TPST1: variants seen among roughly 807,000 people sequenced by gnomAD.
TPST1 encodes protein-tyrosine sulfotransferase 1.
A neutral mutation model predicts 34.8 loss-of-function variants in TPST1; 20 were observed. The ratio of observed to expected loss-of-function variants is 0.57; its 90% CI spans 0.40 to 0.84. TPST1 has a LOEUF of 0.84. TPST1 is among the 40% of genes least tolerant of loss of function. The pLI, the probability that TPST1 is intolerant of heterozygous loss-of-function variation, is 0.00. For missense variants in TPST1, 353 were observed against 455.5 expected (o/e 0.78, Z 2.05); for synonymous variants, 152 against 159.4 (o/e 0.95, Z 0.35).
At chr7:66,265,015 C>A (rs1216054605) in intron 2 of TPST1, among the ~76,000 whole-genome samples, 2 of 152,022 alleles carry the variant, frequency 1.3e-5, no homozygotes, top group Non-Finnish European at 2.9e-5. Context: ...GATAGACAAG[C>A]ATGGTAACTG....
chr7:66,210,536 T>C (rs1789221739), intron 1 of TPST1, among the ~76,000 whole-genome samples: 1 of 152,178 alleles, frequency 6.6e-6, no homozygotes, highest in Non-Finnish European at 1.5e-5. Context: ...TTTGGTCTGG[T>C]GCAGGGCCAG....
intron 1 of TPST1, among the ~76,000 whole-genome samples, chr7:66,212,745 G>A (rs547667650): frequency 3.3e-5 from 5 of 152,170 alleles, no homozygotes; most frequent in African/African-American, 9.6e-5. Flanking sequence ...GAGCCACTGC[G>A]CCCGACCTCA....
At chr7:66,255,139 A>C (rs1790358595) in intron 2 of TPST1, among the ~76,000 whole-genome samples, 1 of 109,358 alleles carries the variant, frequency 9.1e-6, no homozygotes. Context: ...GAGCGAGACA[A>C]CGTCTCAAAA....
intron 1 of TPST1, among the ~76,000 whole-genome samples, chr7:66,213,895 G>A (rs1789330880): frequency 6.6e-6 from 1 of 152,042 alleles, no homozygotes; most frequent in African/African-American, 2.4e-5. Flanking sequence ...ACTTTTGACT[G>A]TATCTTGGAC....
At chr7:66,273,482 A>G (rs145508146) in intron 2 of TPST1, among the ~76,000 whole-genome samples, 161 of 152,338 alleles carry the variant, frequency 1.1e-3, no homozygotes, top group African/African-American at 3.6e-3. Context: ...ATCTTGATAG[A>G]AAAGAACAAA....
intron 3 of TPST1, among the ~76,000 whole-genome samples, chr7:66,331,016 G>C (rs1584246524): frequency 6.6e-6 from 1 of 152,214 alleles, no homozygotes; most frequent in African/African-American, 2.4e-5. Flanking sequence ...CAAGCTGTCA[G>C]CTGGGCTGCA....
chr7:66,347,059 C>CTTTTTTTTTTTTTTTT lies in TPST1; in HGVS notation c.1045-5435_1045-5420dup, dbSNP rs71051352. Among the ~76,000 whole-genome samples, 80 of 59,964 alleles carry CTTTTTTTTTTTTTTTT rather than the reference C, an allele frequency of 1.3e-3. 21 individuals are homozygous for CTTTTTTTTTTTTTTTT. The highest frequency in any genetic ancestry group is 2.0e-3 in the African/African-American group (30 of 15,068). The allele number at this position is 59,964 out of a possible 152,430, so 39.3% of individuals were successfully genotyped here. A position where few individuals can be genotyped will look rare whatever the true frequency, so the allele number is the denominator to read the frequency against. On this transcript the variant is annotated intron_variant, in intron 3 of 5. Coordinates refer to ENST00000304842, the MANE Select transcript of TPST1 (RefSeq NM_003596.4). ...TTTCTTCTTTTTTTCCTTTGCTTTT[C>CTTTTTTTTTTTTTTTT]TTTTTTTTTTTTTTTTTTTTTTTTT...
chr7:66,219,074 T>A (rs1484560487), intron 1 of TPST1, among the ~76,000 whole-genome samples: 1 of 149,316 alleles, frequency 6.7e-6, no homozygotes, highest in African/African-American at 2.5e-5. Flanking sequence ...TTTTTGGTAT[T>A]TTTAGTAGAG....
chr7:66,244,865 A>C (rs1790115806), intron 2 of TPST1, among the ~76,000 whole-genome samples: 1 of 152,236 alleles, frequency 6.6e-6, no homozygotes, highest in South Asian at 2.1e-4. Flanking sequence ...CTTAGGGCAG[A>C]AAGAGAATAT....
intron 2 of TPST1, among the ~76,000 whole-genome samples, chr7:66,271,359 A>G (rs1790701070): frequency 6.6e-6 from 1 of 152,156 alleles, no homozygotes; most frequent in Non-Finnish European, 1.5e-5. Flanking sequence ...TTGTATTTTT[A>G]GTAGAGACGG....
chr7:66,265,601 G>T (rs1436637572), intron 2 of TPST1, among the ~76,000 whole-genome samples: 2 of 151,648 alleles, frequency 1.3e-5, no homozygotes, highest in African/African-American at 4.8e-5. Flanking sequence ...TGAAATAGTG[G>T]CTAAAACCCC....
intron 2 of TPST1, among the ~76,000 whole-genome samples, chr7:66,274,760 G>A (rs1790772804): frequency 6.6e-6 from 1 of 151,976 alleles, no homozygotes; most frequent in African/African-American, 2.4e-5. Flanking sequence ...AAAAAAATGG[G>A]CAAAGAACCT....
At chr7:66,276,379 T>TATATATATATATATATATATATATATA in intron 2 of TPST1, among the ~76,000 whole-genome samples, 2 of 140,332 alleles carry the variant, frequency 1.4e-5, no homozygotes, top group South Asian at 4.4e-4. Flanking sequence ...TATATATATA[T>TATATATATATATATATATATATATATA]ATGTATTTTT....
At chr7:66,248,575 C>T (rs867191593) in intron 2 of TPST1, among the ~76,000 whole-genome samples, 4 of 143,786 alleles carry the variant, frequency 2.8e-5, no homozygotes, top group African/African-American at 7.8e-5. Flanking sequence ...ATGATCTCGG[C>T]TCACTGCAAC....
intron 2 of TPST1, among the ~76,000 whole-genome samples, chr7:66,265,594 A>T (rs2115754137): frequency 6.6e-6 from 1 of 152,180 alleles, no homozygotes; most frequent in Non-Finnish European, 1.5e-5. Flanking sequence ...AGGGAAGTGA[A>T]ATAGTGGCTA....
At chr7:66,234,126 G>A (rs903314827) in intron 1 of TPST1, among the ~76,000 whole-genome samples, 1 of 151,806 alleles carries the variant, frequency 6.6e-6, no homozygotes, top group Non-Finnish European at 1.5e-5. Context: ...CCAAAGTGCT[G>A]GGATCACAAA....
In TPST1 at chr7:66,276,370, A is replaced by ATG. The variant is rs912861220; in HGVS notation, c.846-10140_846-10139insGT. On this transcript the variant is annotated intron_variant, in intron 2 of 5. Transcript: ENST00000304842. ...CTTAAATTTTAAAAACATTTCATAT[A>ATG]TATATATATATGTATTTTTTTGAGG... Among the ~76,000 whole-genome samples, 79 of 134,056 alleles carry ATG rather than the reference A, an allele frequency of 5.9e-4. 7 individuals are homozygous for ATG. The highest frequency in any genetic ancestry group is 2.3e-3 in the African/African-American group (76 of 33,128). 87.9% of individuals were successfully genotyped at this position (134,056 alleles called of 152,430 possible).
At chr7:66,271,694 G>T (rs1211289530) in intron 2 of TPST1, among the ~76,000 whole-genome samples, 1 of 152,068 alleles carries the variant, frequency 6.6e-6, no homozygotes, top group Non-Finnish European at 1.5e-5. Context: ...GTTACAAATG[G>T]CAGTGTCTCC....
At chr7:66,275,062 C>T (rs1482997413) in intron 2 of TPST1, among the ~76,000 whole-genome samples, 1 of 151,866 alleles carries the variant, frequency 6.6e-6, no homozygotes, top group African/African-American at 2.4e-5. Context: ...GGTGTGGTGG[C>T]GGGTGCCTGT....
Sources: gnomAD v4.1 joint callset for allele counts (sites outside exome capture counted in the v4.1 genomes callset) on GRCh38, gnomAD v4.1.1 for gene constraint, MANE v1.5 for transcripts, NCBI Gene and HGNC (gene_info 2026-07-23, HGNC 2026-07-21) for gene names.